SRGAP2: variants seen among roughly 807,000 people sequenced by gnomAD.
SRGAP2 encodes the protein SLIT-ROBO Rho GTPase-activating protein 2.
A neutral mutation model predicts 57.2 loss-of-function variants in SRGAP2; 15 were observed. The observed-to-expected ratio is 0.26, with a 90% confidence interval of 0.18 to 0.40. The LOEUF (loss-of-function observed/expected upper bound fraction) is 0.40, where lower values mean the gene tolerates loss of function less well. Among genes scored for constraint, SRGAP2 ranks in the 10% least tolerant of loss-of-function variants. SRGAP2 has a pLI of 1.00. For synonymous variants in SRGAP2, 249 were observed against 248.0 expected (o/e 1.00, Z -0.04); for missense variants, 520 against 669.6 (o/e 0.78, Z 2.47).
At chr1:206,429,208 A>G (rs1400377481) in intron 13 of SRGAP2, among the ~76,000 whole-genome samples, 1 of 152,220 alleles carries the variant, frequency 6.6e-6, no homozygotes, top group African/African-American at 2.4e-5. Flanking sequence ...ACAACAGAGC[A>G]AAGATTGACA....
chr1:206,272,623 G>A (rs1670187659), intron 2 of SRGAP2, among the ~76,000 whole-genome samples: 1 of 151,794 alleles, frequency 6.6e-6, no homozygotes, highest in South Asian at 2.1e-4. Context: ...TGTTTGCCAG[G>A]CTGGTCTTGA....
intron 2 of SRGAP2, among the ~76,000 whole-genome samples, chr1:206,225,873 C>G (rs1667246642): frequency 6.6e-6 from 1 of 152,120 alleles, no homozygotes; most frequent in Non-Finnish European, 1.5e-5. Context: ...TGGTTGGAGG[C>G]CCCTTATGAG....
In SRGAP2 at chr1:206,305,796, T is replaced by C. The variant is rs1323638172; in HGVS notation, c.260+2323T>C. Among the ~76,000 whole-genome samples, 229 of 151,758 alleles carry C rather than the reference T, an allele frequency of 1.5e-3. 1 individual carries two copies. The highest frequency in any genetic ancestry group is 7.3e-3 in the South Asian group (35 of 4,806). ...CAAATTATCCTTTAAAAGCCAGCTCTGTGCAATGAAGATGGGGTTAAGGTT... is the reference window on the plus strand; with the variant it reads ...CAAATTATCCTTTAAAAGCCAGCTCCGTGCAATGAAGATGGGGTTAAGGTT... On this transcript the variant is annotated intron_variant, in intron 3 of 22. Coordinates refer to ENST00000573034, the MANE Select transcript of SRGAP2 (RefSeq NM_015326.5).
chr1:206,372,980 T>TCCTTC (rs1491164060), intron 4 of SRGAP2, among the ~76,000 whole-genome samples: 5 of 74,136 alleles, frequency 6.7e-5, no homozygotes, highest in African/African-American at 3.2e-4. Context: ...TTTCTTTCTT[T>TCCTTC]CTTTCTTTCT....
chr1:206,461,761 G>T lies in SRGAP2; in HGVS notation c.*341G>T, dbSNP rs138294302. On this transcript the variant is annotated 3_prime_UTR_variant, in exon 23 of 23. Coordinates refer to ENST00000573034, the MANE Select transcript of SRGAP2 (RefSeq NM_015326.5). ...TCAAGTCTCAGTCCCCTCAGACCAC[G>T]GTGATGCCTTGACCAGATGGTTGGC... 98 of 233,860 alleles carry T rather than the reference G, an allele frequency of 4.2e-4. No homozygotes were observed. Among genetic ancestry groups the T allele is most frequent in the African/African-American group, 1.9e-3 (85 of 44,612 alleles). The allele number at this position is 233,860 out of a possible 1,614,324, so 14.5% of individuals were successfully genotyped here. A position where few individuals can be genotyped will look rare whatever the true frequency, so the allele number is the denominator to read the frequency against.
chr1:206,451,176 C>T (rs528523782), intron 19 of SRGAP2, among the ~76,000 whole-genome samples: 15 of 151,306 alleles, frequency 9.9e-5, no homozygotes, highest in Non-Finnish European at 1.5e-4. Context: ...GCTGGTTGCC[C>T]GGAACCCAAT....
chr1:206,438,063 C>T lies in SRGAP2; in HGVS notation c.1733C>T (p.Pro578Leu), dbSNP rs1553370671. The T allele has an allele frequency of 1.3e-6, 1 of 780,842 alleles. No homozygotes were observed. Among genetic ancestry groups the T allele is most frequent in the Non-Finnish European group, 2.4e-6 (1 of 417,958 alleles). 48.4% of individuals were successfully genotyped at this position (780,842 alleles called of 1,614,324 possible). The change falls in exon 16 of 23, where the codon CCC becomes CTC. Residue 578 changes from proline (P) to leucine (L), a missense_variant. Transcript: ENST00000573034. ...YFRGLEHPLF[P>L]KDIFHDLMAC... Reference sequence around the variant, plus strand: ...CGGGGGCTGGAACACCCTCTCTTCCCCAAGGACATCTTTCATGACCTGATG... The same window carrying T: ...CGGGGGCTGGAACACCCTCTCTTCCTCAAGGACATCTTTCATGACCTGATG...
intron 12 of SRGAP2, 109 bp downstream of exon 12, chr1:206,419,509 T>G: frequency 1.3e-6 from 1 of 750,756 alleles, no homozygotes; most frequent in Non-Finnish European, 2.5e-6. Context: ...TTGAATGACT[T>G]TACAAAGCAA....
At chr1:206,349,492 G>A (rs569313194) in intron 4 of SRGAP2, among the ~76,000 whole-genome samples, 3,410 of 148,760 alleles carry the variant, frequency 0.023, 91 homozygotes, top group African/African-American at 0.079. Flanking sequence ...TTTGTGATAG[G>A]CTGAGTAATG....
At position 206,446,316 on chromosome 1, in the gene SRGAP2, C is replaced by T. The variant is rs144491609; in HGVS notation, c.2099+17C>T. On this transcript the variant is annotated intron_variant, in intron 18 of 22. Coordinates refer to ENST00000573034, the MANE Select transcript of SRGAP2 (RefSeq NM_015326.5). ...GGATTACTGGTAGGGGGGCTTGGGA[C>T]GGGAGGAGGGGAGGGATTCACTAGC... The T allele has an allele frequency of 1.3e-4, 100 of 780,104 alleles. No homozygotes were observed. Among genetic ancestry groups the T allele is most frequent in the South Asian group, 6.7e-4 (50 of 74,602 alleles). 48.3% of individuals were successfully genotyped at this position (780,104 alleles called of 1,614,324 possible).
chr1:206,423,955 T>TC (rs1660561244), intron 13 of SRGAP2, among the ~76,000 whole-genome samples: 1 of 148,184 alleles, frequency 6.7e-6, no homozygotes, highest in East Asian at 2.0e-4. Context: ...ATGTATTTTT[T>TC]TTTTTTTTTT....
chr1:206,267,442 C>G (rs1669931643), intron 2 of SRGAP2, among the ~76,000 whole-genome samples: 1 of 150,692 alleles, frequency 6.6e-6, no homozygotes, highest in African/African-American at 2.4e-5. Flanking sequence ...TTCATACCCT[C>G]TCATTCCCTG....
chr1:206,417,250 C>T (rs530641537), intron 11 of SRGAP2, among the ~76,000 whole-genome samples: 8 of 151,524 alleles, frequency 5.3e-5, no homozygotes, highest in East Asian at 3.9e-4. Flanking sequence ...ATTACAGGCA[C>T]GTGCCACCAC....
At chr1:206,397,432 T>C (rs557847680) in intron 7 of SRGAP2, among the ~76,000 whole-genome samples, 1 of 152,296 alleles carries the variant, frequency 6.6e-6, no homozygotes, top group South Asian at 2.1e-4. Flanking sequence ...ATCTGTGTCA[T>C]GTACAGCCTT....
intron 4 of SRGAP2, among the ~76,000 whole-genome samples, chr1:206,349,620 A>T (rs1208398523): frequency 1.5e-5 from 2 of 132,628 alleles, no homozygotes; most frequent in African/African-American, 5.6e-5. Flanking sequence ...TGTGATGGGG[A>T]TATTATGCTT....
intron 12 of SRGAP2, 26 bp downstream of exon 12, chr1:206,419,426 G>A (rs1553363502): frequency 2.6e-6 from 2 of 780,644 alleles, no homozygotes; most frequent in Admixed American, 3.4e-5. Context: ...GACAGGCCTG[G>A]GAAGTGATAG....
chr1:206,291,794 C>T (rs1397878476), intron 2 of SRGAP2, among the ~76,000 whole-genome samples: 7 of 148,940 alleles, frequency 4.7e-5, no homozygotes, highest in Non-Finnish European at 1.0e-4. Context: ...TCAACTAAAT[C>T]AGTTCTTATA....
At chr1:206,455,256 G>A (rs1663731107) in intron 21 of SRGAP2, 2 of 568,248 alleles carry the variant, frequency 3.5e-6, no homozygotes, top group Admixed American at 3.0e-5. Context: ...CTGTGGAAGG[G>A]TGCTTTACTG....
In SRGAP2 at chr1:206,440,922, T is replaced by A. The variant is rs575020500; in HGVS notation, c.1874+841T>A. 4.6e-5 allele frequency among the ~76,000 whole-genome samples: 7 copies of A among 152,288 alleles called. No individual in the cohort carries two copies. In the South Asian group the frequency reaches 1.5e-3, roughly 32 times the overall value. Reference sequence around the variant, plus strand: ...GTGGAGAAGTTACTGGAAAGGGTCATGAAGAGAAACAGGGAGACCCTATCC... The same window carrying A: ...GTGGAGAAGTTACTGGAAAGGGTCAAGAAGAGAAACAGGGAGACCCTATCC... On this transcript the variant is annotated intron_variant, in intron 17 of 22. Coordinates refer to ENST00000573034, the MANE Select transcript of SRGAP2 (RefSeq NM_015326.5).
Sources: allele counts gnomAD v4.1 joint callset (sites outside exome capture counted in the v4.1 genomes callset), GRCh38; gene constraint gnomAD v4.1.1; transcripts MANE v1.5; gene names NCBI Gene and HGNC (gene_info 2026-07-23, HGNC 2026-07-21).